Variants in GPHN observed in about 807,000 individuals in gnomAD.
GPHN encodes gephyrin.
GPHN carries 17 observed loss-of-function variants against 95.5 expected under a neutral mutation model. The observed-to-expected ratio is 0.18, with a 90% CI of 0.12 to 0.27. The LOEUF (loss-of-function observed/expected upper bound fraction) is 0.27. GPHN is among the 10% of genes least tolerant of loss of function. GPHN has a pLI of 1.00. For missense variants in GPHN, 660 were observed against 978.1 expected (o/e 0.67, Z 4.34); for synonymous variants, 320 against 322.5 (o/e 0.99, Z 0.08).
chr14:67,180,987 G>A lies in GPHN; in HGVS notation c.*50G>A, dbSNP rs1468286115. ...GATGCATGTCCACATATCATTGACTGTATCCTGTAATATGCAACGGCACAG... is the reference window on the plus strand; with the variant it reads ...GATGCATGTCCACATATCATTGACTATATCCTGTAATATGCAACGGCACAG... On this transcript the variant is annotated 3_prime_UTR_variant, in exon 23 of 23. Transcript: ENST00000478722. 2 of 1,593,928 alleles carry A rather than the reference G, an allele frequency of 1.3e-6. No individual in the cohort carries two copies. The highest frequency in any genetic ancestry group is 8.6e-7 in the Non-Finnish European group (1 of 1,162,084).
At chr14:66,666,019 C>G (rs1006095727) in intron 1 of GPHN, among the ~76,000 whole-genome samples, 2 of 148,336 alleles carry the variant, frequency 1.3e-5, no homozygotes, top group Non-Finnish European at 3.0e-5. Flanking sequence ...CCAAACACCG[C>G]ATGTTCTCAC....
the GPHN span, chr14:67,579,300 G>A: frequency 7.2e-6 from 11 of 1,534,420 alleles, no homozygotes; most frequent in East Asian, 1.9e-4. Context: ...CTTTACCAAC[G>A]GGACTTACCA....
chr14:67,635,880 A>G, the GPHN span, among the ~76,000 whole-genome samples: 1 of 152,122 alleles, frequency 6.6e-6, no homozygotes, highest in Non-Finnish European at 1.5e-5. Flanking sequence ...TTTTAAATTA[A>G]TTTCCAAGAA....
At chr14:67,672,867 T>A in the GPHN span, among the ~76,000 whole-genome samples, 2 of 152,234 alleles carry the variant, frequency 1.3e-5, no homozygotes, top group Admixed American at 6.5e-5. Context: ...AGGCCCTACA[T>A]GATCTGGCCC....
At chr14:66,980,706 A>C (rs1020781800) in intron 9 of GPHN, among the ~76,000 whole-genome samples, 2 of 152,174 alleles carry the variant, frequency 1.3e-5, no homozygotes, top group Non-Finnish European at 2.9e-5. Context: ...TAAAATATAA[A>C]TAAATAAATG....
At chr14:67,397,598 A>G in the GPHN span, 1 of 1,391,328 alleles carries the variant, frequency 7.2e-7, no homozygotes, top group East Asian at 2.4e-5. Context: ...CACTTTCCCA[A>G]AGAGGCCAGA....
chr14:67,135,477 T>TAA (rs1393880932), intron 17 of GPHN, among the ~76,000 whole-genome samples: 8 of 152,226 alleles, frequency 5.3e-5, no homozygotes, highest in South Asian at 4.1e-4. Context: ...ATGTAAGATT[T>TAA]GAGGGTTGTA....
At chr14:67,662,720 C>A in the GPHN span, among the ~76,000 whole-genome samples, 1 of 151,954 alleles carries the variant, frequency 6.6e-6, no homozygotes, top group Non-Finnish European at 1.5e-5. Context: ...CCTGGCCAAC[C>A]TGGTGAAACC....
Position 66,691,917 on chromosome 14 carries a change from C to T in GPHN, c.143+10732C>T, listed in dbSNP as rs549758038. Among the ~76,000 whole-genome samples the T allele has an allele frequency of 3.9e-4, 60 of 152,260 alleles. 1 individual carries two copies. Among genetic ancestry groups the T allele is most frequent in the African/African-American group, 1.4e-3 (59 of 41,556 alleles). On this transcript the variant is annotated intron_variant, in intron 2 of 22. Coordinates refer to ENST00000478722, the MANE Select transcript of GPHN (RefSeq NM_020806.5). The stretch of plus-strand genomic sequence containing the variant: ...ACTATCCAGTACTTTGGTTAGCAAC[C>T]TCTAATCCAAAAAAGATAATAAAAG...
intron 2 of GPHN, among the ~76,000 whole-genome samples, chr14:66,692,916 T>C (rs1052604325): frequency 1.9e-4 from 29 of 152,148 alleles, no homozygotes; most frequent in African/African-American, 6.8e-4. Context: ...TCTAACCTTA[T>C]GATTTCATAG....
At chr14:67,557,442 C>T in the GPHN span, 1 of 1,606,722 alleles carries the variant, frequency 6.2e-7, no homozygotes, top group Non-Finnish European at 8.5e-7. Context: ...CGCAAGGGAG[C>T]ACCATGCCCT....
chr14:66,699,595 G>C (rs190646267), intron 2 of GPHN, among the ~76,000 whole-genome samples: 78 of 152,222 alleles, frequency 5.1e-4, no homozygotes, highest in Non-Finnish European at 1.5e-5. Flanking sequence ...AAGATGTCTG[G>C]TATTTTAAAG....
chr14:67,032,735 C>CA (rs1181847629), intron 10 of GPHN, among the ~76,000 whole-genome samples: 11 of 152,272 alleles, frequency 7.2e-5, no homozygotes, highest in Middle Eastern at 6.8e-3. Context: ...AAAAAGGTTT[C>CA]AGAGGCCGCC....
chr14:67,560,938 C>T, the GPHN span, among the ~76,000 whole-genome samples: 2 of 152,214 alleles, frequency 1.3e-5, no homozygotes, highest in Non-Finnish European at 2.9e-5. Flanking sequence ...GTTATGTTGG[C>T]CAGGCTAGTC....
At chr14:66,913,137 C>T (rs933889783) in intron 5 of GPHN, among the ~76,000 whole-genome samples, 3 of 152,120 alleles carry the variant, frequency 2.0e-5, no homozygotes, top group Non-Finnish European at 2.9e-5. Context: ...GGTCCAGAGA[C>T]CACAAATTGA....
intron 2 of GPHN, among the ~76,000 whole-genome samples, chr14:66,696,447 T>C (rs1380149979): frequency 1.3e-5 from 2 of 152,234 alleles, no homozygotes; most frequent in African/African-American, 4.8e-5. Context: ...GGTGTGTTCT[T>C]GTTTTTGTGT....
intron 1 of GPHN, among the ~76,000 whole-genome samples, chr14:66,528,585 T>C (rs1217113270): frequency 6.6e-6 from 1 of 152,242 alleles, no homozygotes; most frequent in African/African-American, 2.4e-5. Flanking sequence ...TGGTGTGTTT[T>C]TGCAGTGGCT....
At chr14:67,206,979 C>A in the GPHN span, among the ~76,000 whole-genome samples, 1 of 152,076 alleles carries the variant, frequency 6.6e-6, no homozygotes, top group Non-Finnish European at 1.5e-5. Flanking sequence ...ATCCACCCAC[C>A]TTGGCAAGCA....
intron 12 of GPHN, among the ~76,000 whole-genome samples, chr14:67,097,873 TATATAAC>T (rs1428217715): frequency 2.6e-5 from 4 of 152,188 alleles, no homozygotes; most frequent in African/African-American, 9.7e-5. Context: ...TACACACACA[TATATAAC>T]ATATACAGTA....
Sources: allele counts gnomAD v4.1 joint callset (sites outside exome capture counted in the v4.1 genomes callset), GRCh38; gene constraint gnomAD v4.1.1; transcripts MANE v1.5; gene names NCBI Gene and HGNC (gene_info 2026-07-23, HGNC 2026-07-21).